The following SYN3 variants were observed in gnomAD, a reference collection of about 807,000 sequenced individuals.
SYN3 encodes synapsin III.
Under a neutral mutation model 65.8 loss-of-function variants are expected in SYN3, and 35 were observed. The ratio of observed to expected loss-of-function variants is 0.53; its 90% CI spans 0.41 to 0.70. SYN3 has a LOEUF of 0.70. Among genes scored for constraint, SYN3 ranks in the 30% least tolerant of loss-of-function variants. The pLI is 0.00. For synonymous variants in SYN3, 270 were observed against 292.9 expected (o/e 0.92, Z 0.80); for missense variants, 680 against 749.0 (o/e 0.91, Z 1.08).
chr22:32,636,414 A>AAAAG (rs927549881), intron 6 of SYN3, among the ~76,000 whole-genome samples: 1 of 148,440 alleles, frequency 6.7e-6, no homozygotes, highest in Non-Finnish European at 1.5e-5. Flanking sequence ...AAAAAAAAAA[A>AAAAG]AAAAGAAAAG....
chr22:32,539,481 T>C (rs940226527), intron 8 of SYN3, among the ~76,000 whole-genome samples: 2 of 137,448 alleles, frequency 1.5e-5, no homozygotes, highest in East Asian at 2.6e-4. Flanking sequence ...TGGGAACATA[T>C]AGAAAAAATT....
At chr22:32,723,681 C>G (rs2061150733) in intron 6 of SYN3, among the ~76,000 whole-genome samples, 1 of 152,256 alleles carries the variant, frequency 6.6e-6, no homozygotes, top group Non-Finnish European at 1.5e-5. Context: ...AGGAGCCCCT[C>G]CACCCCTTTA....
chr22:32,740,446 CAG>C (rs1280123752), intron 6 of SYN3, among the ~76,000 whole-genome samples: 1 of 152,066 alleles, frequency 6.6e-6, no homozygotes, highest in East Asian at 1.9e-4. Context: ...GAGTTTTGAT[CAG>C]AATCTTAGAG....
intron 6 of SYN3, among the ~76,000 whole-genome samples, chr22:32,774,721 A>C (rs2045866661): frequency 6.6e-6 from 1 of 152,036 alleles, no homozygotes; most frequent in Admixed American, 6.5e-5. Context: ...CAGCCTCCCG[A>C]GTAGCTGGGA....
chr22:32,568,738 T>C (rs2146400459), intron 7 of SYN3, among the ~76,000 whole-genome samples: 1 of 152,316 alleles, frequency 6.6e-6, no homozygotes, highest in Admixed American at 6.5e-5. Flanking sequence ...GCATATAACA[T>C]ATTTTAACAT....
intron 6 of SYN3, among the ~76,000 whole-genome samples, chr22:32,697,324 T>C (rs1019421810): frequency 5.3e-5 from 8 of 152,244 alleles, no homozygotes; most frequent in Non-Finnish European, 1.2e-4. Context: ...TAAATCCTGC[T>C]CTGCCATTTA....
At chr22:32,828,940 C>A (rs1039138777) in intron 6 of SYN3, among the ~76,000 whole-genome samples, 4 of 152,008 alleles carry the variant, frequency 2.6e-5, no homozygotes, top group Admixed American at 1.3e-4. Flanking sequence ...AGGGGAAAGA[C>A]AAAAAACAAG....
intron 6 of SYN3, among the ~76,000 whole-genome samples, chr22:32,842,630 G>A (rs893683068): frequency 4.6e-5 from 7 of 152,130 alleles, no homozygotes; most frequent in African/African-American, 7.2e-5. Context: ...AAGTACCTTT[G>A]TACATATACA....
intron 6 of SYN3, among the ~76,000 whole-genome samples, chr22:32,718,484 CAT>C (rs1417289769): frequency 4.2e-5 from 6 of 144,348 alleles, no homozygotes; most frequent in Non-Finnish European, 9.0e-5. Context: ...AGTACTGTCT[CAT>C]AGTCCTTTTT....
intron 6 of SYN3, among the ~76,000 whole-genome samples, chr22:32,658,277 T>C (rs1193848665): frequency 6.6e-6 from 1 of 152,210 alleles, no homozygotes; most frequent in African/African-American, 2.4e-5. Flanking sequence ...GGGAGATCCC[T>C]GGGTAGGCTG....
chr22:32,597,197 T>C (rs1289471054), intron 6 of SYN3, among the ~76,000 whole-genome samples: 4 of 141,986 alleles, frequency 2.8e-5, no homozygotes, highest in Admixed American at 7.4e-5. Flanking sequence ...CTGTCTTACA[T>C]TATTCTCTTT....
At chr22:32,804,945 G>A (rs943814034) in intron 6 of SYN3, among the ~76,000 whole-genome samples, 11 of 152,164 alleles carry the variant, frequency 7.2e-5, no homozygotes, top group African/African-American at 1.4e-4. Context: ...GCCTCGGCCC[G>A]GGCAAATCTG....
rs1364351239 is a variant in SYN3 at position 32,935,271 on chromosome 22, T to TTCTCTCTCTC, written c.370-3800_370-3791dup. ...GCATAGAAATCTGCACCTAGACTCATTCTCTCTCTCTCTTTCTCTCTCTCT... is the reference window on the plus strand; with the variant it reads ...GCATAGAAATCTGCACCTAGACTCATTCTCTCTCTCTCTCTCTCTCTCTTTCTCTCTCTCT... On this transcript the variant is annotated intron_variant, in intron 3 of 13. Coordinates refer to ENST00000358763, the MANE Select transcript of SYN3 (RefSeq NM_003490.4). Among the ~76,000 whole-genome samples the TTCTCTCTCTC allele has an allele frequency of 5.0e-3, 735 of 146,320 alleles. 8 individuals carry two copies. The highest frequency in any genetic ancestry group is 0.018 in the African/African-American group (710 of 39,630).
chr22:32,834,967 G>A (rs1019105214), intron 6 of SYN3, among the ~76,000 whole-genome samples: 1 of 152,160 alleles, frequency 6.6e-6, no homozygotes, highest in Non-Finnish European at 1.5e-5. Flanking sequence ...CTTCAGCCAG[G>A]GTCTTTGCAG....
intron 6 of SYN3, among the ~76,000 whole-genome samples, chr22:32,843,657 C>T (rs2047979011): frequency 6.6e-6 from 1 of 152,170 alleles, no homozygotes; most frequent in African/African-American, 2.4e-5. Flanking sequence ...CATTCCAACA[C>T]TTCCAGATCC....
chr22:32,523,920 T>C (rs559484895), intron 12 of SYN3, among the ~76,000 whole-genome samples: 51 of 152,310 alleles, frequency 3.3e-4, no homozygotes, highest in African/African-American at 1.2e-3. Flanking sequence ...ACAGCCTCAT[T>C]GCTGATACGG....
chr22:32,927,597 T>C (rs891630527), intron 4 of SYN3, among the ~76,000 whole-genome samples: 2 of 152,164 alleles, frequency 1.3e-5, no homozygotes, highest in African/African-American at 4.8e-5. Context: ...AATATCTTAA[T>C]TCCATTTACC....
At chr22:32,929,812 A>G (rs1428482941) in intron 4 of SYN3, among the ~76,000 whole-genome samples, 1 of 152,044 alleles carries the variant, frequency 6.6e-6, no homozygotes, top group African/African-American at 2.4e-5. Flanking sequence ...TGCCTCCACT[A>G]AGCTCTCAAA....
intron 6 of SYN3, among the ~76,000 whole-genome samples, chr22:32,681,643 C>T (rs2060524183): frequency 6.6e-6 from 1 of 152,202 alleles, no homozygotes; most frequent in South Asian, 2.1e-4. Flanking sequence ...GCTGCTGACT[C>T]AATCCACCAT....
Sources: allele counts gnomAD v4.1 joint callset (sites outside exome capture counted in the v4.1 genomes callset), GRCh38; gene constraint gnomAD v4.1.1; transcripts MANE v1.5; gene names NCBI Gene and HGNC (gene_info 2026-07-23, HGNC 2026-07-21).